MED12L: variants seen among roughly 807,000 people sequenced by gnomAD.
MED12L encodes mediator of RNA polymerase II transcription subunit 12-like protein.
In MED12L, 60 loss-of-function variants were observed where a neutral mutation model predicts 281.3. The ratio of observed to expected loss-of-function variants is 0.21; its 90% confidence interval spans 0.17 to 0.26. MED12L has a LOEUF of 0.26. MED12L is among the 10% of genes least tolerant of loss of function. MED12L has a pLI of 1.00. For synonymous variants in MED12L, 974 were observed against 987.2 expected (o/e 0.99, Z 0.25); for missense variants, 2,146 against 2,680.9 (o/e 0.80, Z 4.41).
At chr3:151,218,480 T>C (rs16863252) in intron 16 of MED12L, among the ~76,000 whole-genome samples, 38 of 152,364 alleles carry the variant, frequency 2.5e-4, no homozygotes, top group East Asian at 9.6e-4. Context: ...GTTGTCATTA[T>C]GTTAACCTTG....
intron 42 of MED12L, among the ~76,000 whole-genome samples, chr3:151,414,508 A>G (rs558207729): frequency 6.6e-6 from 1 of 152,186 alleles, no homozygotes; most frequent in African/African-American, 2.4e-5. Flanking sequence ...GGGAGAAACA[A>G]ATATCTCCCC....
chr3:151,133,008 A>G (rs755282075), intron 5 of MED12L, among the ~76,000 whole-genome samples: 1 of 152,216 alleles, frequency 6.6e-6, no homozygotes, highest in Non-Finnish European at 1.5e-5. Context: ...TTCTAGTAAT[A>G]GGTTCTGTGT....
chr3:151,329,951 A>G (rs915305843), intron 16 of MED12L, among the ~76,000 whole-genome samples: 2 of 152,150 alleles, frequency 1.3e-5, no homozygotes, highest in Non-Finnish European at 2.9e-5. Flanking sequence ...GGAAGACGGT[A>G]TGTTTATTTT....
intron 16 of MED12L, among the ~76,000 whole-genome samples, chr3:151,317,302 A>C (rs1374490496): frequency 6.6e-6 from 1 of 152,048 alleles, no homozygotes; most frequent in Non-Finnish European, 1.5e-5. Flanking sequence ...CACAATGATA[A>C]GTATTCAAAA....
intron 38 of MED12L, among the ~76,000 whole-genome samples, chr3:151,391,900 C>T (rs1714280800): frequency 6.6e-6 from 1 of 152,154 alleles, no homozygotes; most frequent in Admixed American, 6.6e-5. Flanking sequence ...ACAAACTAGA[C>T]TCAGAGTGAA....
At chr3:151,246,043 C>T (rs1436693071) in intron 16 of MED12L, among the ~76,000 whole-genome samples, 1 of 151,112 alleles carries the variant, frequency 6.6e-6, no homozygotes, top group Admixed American at 6.6e-5. Flanking sequence ...GAATAAAATA[C>T]CTAGGAATCC....
chr3:151,406,306 T>C (rs1488271221), intron 39 of MED12L, among the ~76,000 whole-genome samples: 2 of 152,268 alleles, frequency 1.3e-5, no homozygotes, highest in East Asian at 3.8e-4. Flanking sequence ...AAAGAACTTA[T>C]TCATTCTGTT....
chr3:151,375,923 C>G, intron 27 of MED12L, 103 bp from the exon 28 acceptor site: 1 of 612,120 alleles, frequency 1.6e-6, no homozygotes, highest in East Asian at 3.4e-5. Flanking sequence ...TGGAAAATTC[C>G]TATCAGTTTT....
chr3:151,364,716 G>T (rs1259668188), intron 21 of MED12L, among the ~76,000 whole-genome samples: 7 of 152,056 alleles, frequency 4.6e-5, no homozygotes. Flanking sequence ...CCATATTTAG[G>T]AAATAATTAA....
intron 16 of MED12L, among the ~76,000 whole-genome samples, chr3:151,300,742 C>G (rs916815019): frequency 4.6e-5 from 7 of 152,180 alleles, no homozygotes; most frequent in Non-Finnish European, 1.0e-4. Context: ...TCATTCTGTC[C>G]AATCACAAAG....
chr3:151,269,431 ACACACACAC>A (rs1740459385), intron 16 of MED12L: 3 of 223,640 alleles, frequency 1.3e-5, no homozygotes, highest in Admixed American at 5.8e-5. Flanking sequence ...ACACACACAC[ACACACACAC>A]AAAATTCAGA....
intron 16 of MED12L, among the ~76,000 whole-genome samples, chr3:151,322,282 C>T (rs925470140): frequency 6.6e-6 from 1 of 152,130 alleles, no homozygotes; most frequent in African/African-American, 2.4e-5. Context: ...ACCTCCTGGA[C>T]TCAAGTGATT....
chr3:151,123,081 C>A, intron 4 of MED12L, 107 bp downstream of exon 4: 1 of 966,110 alleles, frequency 1.0e-6, no homozygotes, highest in Non-Finnish European at 1.5e-6. Context: ...AGACTGCAAG[C>A]CTATTGGCAG....
intron 16 of MED12L, among the ~76,000 whole-genome samples, chr3:151,203,492 G>A (rs930357986): frequency 2.0e-5 from 3 of 151,140 alleles, no homozygotes; most frequent in African/African-American, 7.3e-5. Flanking sequence ...CCTTGATGGG[G>A]ATTAATAATT....
At chr3:151,115,316 T>G (rs1576756536) in intron 2 of MED12L, among the ~76,000 whole-genome samples, 1 of 144,672 alleles carries the variant, frequency 6.9e-6, no homozygotes, top group South Asian at 2.2e-4. Flanking sequence ...GTGGGCTCTC[T>G]GGAAACAATT....
chr3:151,187,681 A>G (rs1484449894), intron 12 of MED12L, among the ~76,000 whole-genome samples: 1 of 152,234 alleles, frequency 6.6e-6, no homozygotes, highest in African/African-American at 2.4e-5. Context: ...GAGGTACTTC[A>G]TGAACTGTGG....
rs201597351 is a variant in MED12L at position 151,128,841 on chromosome 3, C to CTA, written c.556+858_556+859dup. 1.2e-3 allele frequency among the ~76,000 whole-genome samples: 181 copies of CTA among 152,326 alleles called. 3 individuals carry two copies. The East Asian group carries it at 0.034, about 29-fold the overall frequency. On this transcript the variant is annotated intron_variant, in intron 5 of 44. Coordinates refer to ENST00000687756, the MANE Select transcript of MED12L (RefSeq NM_001393769.1). The stretch of plus-strand genomic sequence containing the variant: ...CACTCTGTGCCCCACCTCACATACA[C>CTA]TAAAATGTAAGGCCCATAAGGGCAG...
At chr3:151,295,735 G>A (rs934366500) in intron 16 of MED12L, among the ~76,000 whole-genome samples, 2 of 152,100 alleles carry the variant, frequency 1.3e-5, no homozygotes, top group Non-Finnish European at 2.9e-5. Flanking sequence ...TTTTGCCTGT[G>A]ACTTTCTTAT....
In MED12L at chr3:151,216,989, G is replaced by A. The variant is rs549587433; in HGVS notation, c.2250+23323G>A. Among the ~76,000 whole-genome samples, 14 of 152,202 alleles carry A rather than the reference G, an allele frequency of 9.2e-5. No individual in the cohort carries two copies. In the East Asian group the frequency reaches 1.5e-3, roughly 17 times the overall value. On this transcript the variant is annotated intron_variant, in intron 16 of 44. Coordinates refer to ENST00000687756, the MANE Select transcript of MED12L (RefSeq NM_001393769.1). Reference sequence around the variant, plus strand: ...GTCCTAAGCCACACAACCCCCCAGCGCCTGGCCATTGTGGTGTCATACTCA... The same window carrying A: ...GTCCTAAGCCACACAACCCCCCAGCACCTGGCCATTGTGGTGTCATACTCA...
Sources: allele counts gnomAD v4.1 joint callset (sites outside exome capture counted in the v4.1 genomes callset), GRCh38; gene constraint gnomAD v4.1.1; transcripts MANE v1.5; gene names NCBI Gene and HGNC (gene_info 2026-07-23, HGNC 2026-07-21).